TMEM116: variants seen among roughly 807,000 people sequenced by gnomAD.
The protein encoded by TMEM116 is transmembrane protein 116.
Under a neutral mutation model 44.3 loss-of-function variants are expected in TMEM116, and 38 were observed. The observed-to-expected ratio is 0.86, with a 90% CI of 0.66 to 1.12. The LOEUF is 1.12. Ranked by LOEUF, TMEM116 falls within the 50% of genes most tolerant of loss-of-function variation. TMEM116 has a pLI of 0.00. For missense variants in TMEM116, 354 were observed against 401.7 expected, an observed-to-expected ratio of 0.88 and a Z score of 1.01; for synonymous variants, 132 against 144.8, an observed-to-expected ratio of 0.91 and a Z score of 0.64.
At chr12:111,993,957 A>G in intron 3 of TMEM116, 1 of 620,876 alleles carries the variant, frequency 1.6e-6, no homozygotes, top group Non-Finnish European at 3.1e-6. Context: ...CTCTGACTGC[A>G]CTACAGTAGT....
chr12:112,009,402 G>T (rs1348639393), intron 1 of TMEM116, among the ~76,000 whole-genome samples: 2 of 152,092 alleles, frequency 1.3e-5, no homozygotes, highest in African/African-American at 4.8e-5. Context: ...AAAAAGATGT[G>T]AAATCTGCAA....
intron 5 of TMEM116, among the ~76,000 whole-genome samples, chr12:111,939,884 G>C (rs1002437354): frequency 2.2e-5 from 1 of 45,490 alleles, no homozygotes; most frequent in African/African-American, 2.3e-4. Context: ...AAAGCTCTGT[G>C]TGTGTGTGTG....
At chr12:111,938,937 AAGTG>A (rs1463275081) in intron 5 of TMEM116, among the ~76,000 whole-genome samples, 4 of 152,232 alleles carry the variant, frequency 2.6e-5, no homozygotes, top group East Asian at 1.9e-4. Flanking sequence ...AATAAGCATT[AAGTG>A]AGTAATTAAT....
intron 3 of TMEM116, among the ~76,000 whole-genome samples, chr12:111,999,594 A>C (rs2077135102): frequency 6.6e-6 from 1 of 151,802 alleles, no homozygotes; most frequent in Non-Finnish European, 1.5e-5. Context: ...GCGAGACTCC[A>C]TCTCAAAAAA....
chr12:111,943,958 C>T (rs573859012), intron 4 of TMEM116, among the ~76,000 whole-genome samples: 19 of 152,210 alleles, frequency 1.2e-4, no homozygotes, highest in African/African-American at 4.3e-4. Flanking sequence ...CCCACTTTTA[C>T]GAAGATATCA....
intron 1 of TMEM116, among the ~76,000 whole-genome samples, chr12:112,007,979 C>T (rs938438303): frequency 1.3e-5 from 2 of 152,146 alleles, no homozygotes; most frequent in African/African-American, 4.8e-5. Context: ...AAGGGCTAGT[C>T]CAAGCTCAAA....
chr12:111,957,914 T>A (rs2074273686), intron 4 of TMEM116, among the ~76,000 whole-genome samples: 1 of 152,218 alleles, frequency 6.6e-6, no homozygotes, highest in Non-Finnish European at 1.5e-5. Flanking sequence ...GGAGACTCCA[T>A]TTTGTTCTGT....
chr12:111,993,464 T>G (rs1845811975), intron 3 of TMEM116: 2 of 557,998 alleles, frequency 3.6e-6, no homozygotes, highest in Non-Finnish European at 7.1e-6. Flanking sequence ...TTATCTCTGG[T>G]GCACATCACT....
At chr12:112,000,826 T>G in intron 3 of TMEM116, 1 of 505,752 alleles carries the variant, frequency 2.0e-6, no homozygotes, top group East Asian at 5.5e-5. Context: ...TGAATACGGT[T>G]CATTAGCTGA....
At chr12:111,932,913 A>G (rs2071777107) in intron 9 of TMEM116, among the ~76,000 whole-genome samples, 1 of 152,206 alleles carries the variant, frequency 6.6e-6, no homozygotes, top group Non-Finnish European at 1.5e-5. Flanking sequence ...TATACTTCCT[A>G]TCAATTCAGA....
At chr12:111,992,583 GTAT>G (rs1436885329) in intron 3 of TMEM116, among the ~76,000 whole-genome samples, 1 of 152,106 alleles carries the variant, frequency 6.6e-6, no homozygotes, top group Non-Finnish European at 1.5e-5. Flanking sequence ...AAGAAATGAG[GTAT>G]TCTGCTAAGT....
At chr12:112,001,472 T>C (rs1436341513) in intron 3 of TMEM116, among the ~76,000 whole-genome samples, 1 of 152,186 alleles carries the variant, frequency 6.6e-6, no homozygotes, top group Non-Finnish European at 1.5e-5. Context: ...CCACTACACC[T>C]GGACCATTTG....
chr12:111,970,633 C>A (rs60142098), intron 4 of TMEM116, among the ~76,000 whole-genome samples: 1 of 147,192 alleles, frequency 6.8e-6, no homozygotes, highest in African/African-American at 2.5e-5. Context: ...GTCACCCAGG[C>A]TGGAGTGCAA....
chr12:111,994,389 C>T (rs1197821765), intron 3 of TMEM116, among the ~76,000 whole-genome samples: 3 of 152,238 alleles, frequency 2.0e-5, no homozygotes, highest in South Asian at 2.1e-4. Context: ...CCAGGTGGAT[C>T]GGCAGGTCGA....
chr12:111,977,838 TA>T (rs893767504), intron 4 of TMEM116, among the ~76,000 whole-genome samples: 1 of 152,058 alleles, frequency 6.6e-6, no homozygotes, highest in Non-Finnish European at 1.5e-5. Flanking sequence ...TATTTGAAAG[TA>T]AACTTAGATT....
intron 4 of TMEM116, among the ~76,000 whole-genome samples, chr12:111,956,346 G>T (rs1006253022): frequency 2.0e-5 from 3 of 152,262 alleles, no homozygotes. Context: ...CGTGTGTCCT[G>T]AAGATTTAGC....
At chr12:111,963,513 G>A (rs770186414) in intron 4 of TMEM116, among the ~76,000 whole-genome samples, 31 of 152,154 alleles carry the variant, frequency 2.0e-4, no homozygotes, top group Non-Finnish European at 3.5e-4. Flanking sequence ...ATGAGTTTAT[G>A]TCCTTTGCAG....
chr12:111,936,475 T>C (rs899307306), intron 8 of TMEM116: 7 of 493,286 alleles, frequency 1.4e-5, no homozygotes, highest in African/African-American at 9.7e-5. Flanking sequence ...AATTTTCACC[T>C]AATAAATACA....
intron 4 of TMEM116, among the ~76,000 whole-genome samples, chr12:111,982,514 T>C (rs2075995576): frequency 6.6e-6 from 1 of 152,154 alleles, no homozygotes; most frequent in Non-Finnish European, 1.5e-5. Flanking sequence ...TTGTCCAGGC[T>C]GGTTGCGGAC....
Sources: allele counts gnomAD v4.1 joint callset (sites outside exome capture counted in the v4.1 genomes callset), GRCh38; gene constraint gnomAD v4.1.1; transcripts MANE v1.5; gene names NCBI Gene and HGNC (gene_info 2026-07-23, HGNC 2026-07-21).